The following KLHL36 variants were observed in gnomAD, a reference collection of about 807,000 sequenced individuals.
KLHL36 encodes the protein kelch-like protein 36.
Under a neutral mutation model 53.3 loss-of-function variants are expected in KLHL36, and 35 were observed. The ratio of observed to expected loss-of-function variants is 0.66; its 90% CI spans 0.50 to 0.87. The LOEUF (loss-of-function observed/expected upper bound fraction) is 0.87, where lower values mean the gene tolerates loss of function less well. Among genes scored for constraint, KLHL36 ranks in the 40% least tolerant of loss-of-function variants. The pLI is 0.00. For missense variants in KLHL36, 864 were observed against 897.6 expected, an observed-to-expected ratio of 0.96 and a Z score of 0.48; for synonymous variants, 472 against 398.9, an observed-to-expected ratio of 1.18 and a Z score of -2.18.
chr16:84,659,480 C>T (rs926881830), intron 3 of KLHL36: 8 of 381,732 alleles, frequency 2.1e-5, no homozygotes, highest in East Asian at 4.7e-5. Flanking sequence ...ACGCGGCTAA[C>T]GACATGACCA....
intron 4 of KLHL36, among the ~76,000 whole-genome samples, chr16:84,660,443 C>G (rs1907479303): frequency 6.6e-6 from 1 of 152,142 alleles, no homozygotes. Context: ...CTCAGTCTCC[C>G]CTGCGTTCCG....
rs888779364 is a variant in KLHL36 at position 84,664,575 on chromosome 16, T to G, written c.*2442T>G. On this transcript the variant is annotated 3_prime_UTR_variant, in exon 5 of 5. Coordinates refer to ENST00000564996, the MANE Select transcript of KLHL36 (RefSeq NM_024731.4). ...AAGGTGGTTTGTAATTGACATGGCT[T>G]TGACCCTAATATTACTAAGGTTGGG... The G allele has an allele frequency of 1.3e-5, 2 of 152,252 alleles. No homozygotes were observed. Among genetic ancestry groups the G allele is most frequent in the African/African-American group, 4.8e-5 (2 of 41,464 alleles). 9.4% of individuals were successfully genotyped at this position (152,252 alleles called of 1,614,324 possible).
chr16:84,663,500 G>A lies in KLHL36; in HGVS notation c.*1367G>A, dbSNP rs1168603654. The A allele has an allele frequency of 1.3e-5, 2 of 151,632 alleles. No individual in the cohort carries two copies. Among genetic ancestry groups the A allele is most frequent in the African/African-American group, 4.9e-5 (2 of 41,206 alleles). 9.4% of individuals were successfully genotyped at this position (151,632 alleles called of 1,614,324 possible). A position where few individuals can be genotyped will look rare whatever the true frequency, so the allele number is the denominator to read the frequency against. On this transcript the variant is annotated 3_prime_UTR_variant, in exon 5 of 5. Coordinates refer to ENST00000564996, the MANE Select transcript of KLHL36 (RefSeq NM_024731.4). ...TAGGAGTGTGATGGGTTTTAAGCATGAGCCAAGGAAGGCATGAATGAGCTG... is the reference window on the plus strand; with the variant it reads ...TAGGAGTGTGATGGGTTTTAAGCATAAGCCAAGGAAGGCATGAATGAGCTG...
chr16:84,662,355 A>C lies in KLHL36; in HGVS notation c.*222A>C. The stretch of plus-strand genomic sequence containing the variant: ...TAACCCTGGGCCCAGGCAGTGAGCA[A>C]CCCCTTGTATCTTCACAGGTCTTTG... On this transcript the variant is annotated 3_prime_UTR_variant, in exon 5 of 5. Coordinates refer to ENST00000564996, the MANE Select transcript of KLHL36 (RefSeq NM_024731.4). The C allele has an allele frequency of 2.1e-6, 1 of 478,838 alleles. No homozygotes were observed. Among genetic ancestry groups the C allele is most frequent in the Non-Finnish European group, 3.7e-6 (1 of 267,836 alleles). The allele number at this position is 478,838 out of a possible 1,614,324, so 29.7% of individuals were successfully genotyped here. A position where few individuals can be genotyped will look rare whatever the true frequency, so the allele number is the denominator to read the frequency against.
In KLHL36 at chr16:84,664,022, G is replaced by A. The variant is rs1199949205; in HGVS notation, c.*1889G>A. 1 of 152,186 alleles carries A rather than the reference G, an allele frequency of 6.6e-6. No homozygotes were observed. Among genetic ancestry groups the A allele is most frequent in the Non-Finnish European group, 1.5e-5 (1 of 68,040 alleles). 9.4% of individuals were successfully genotyped at this position (152,186 alleles called of 1,614,324 possible). The stretch of plus-strand genomic sequence containing the variant: ...ACCAAAAGGCTGGAAACTCTGCTTG[G>A]AGCTCTGCAGCATTCCGGTGTATGA... On this transcript the variant is annotated 3_prime_UTR_variant, in exon 5 of 5. Transcript: ENST00000564996.
rs1423789537 is a variant in KLHL36, at chr16:84,666,484, T to C, written c.*4351T>C. 1 of 152,212 alleles carries C rather than the reference T, an allele frequency of 6.6e-6. No individual in the cohort carries two copies. Among genetic ancestry groups the C allele is most frequent in the Non-Finnish European group, 1.5e-5 (1 of 68,060 alleles). 9.4% of individuals were successfully genotyped at this position (152,212 alleles called of 1,614,324 possible). On this transcript the variant is annotated 3_prime_UTR_variant, in exon 5 of 5. Coordinates refer to ENST00000564996, the MANE Select transcript of KLHL36 (RefSeq NM_024731.4). ...CCCCTGAGAGGGTCTGCGTTTCTTC[T>C]AGAGCTCCTACCTCAGTGGTGTGCA...
intron 1 of KLHL36, chr16:84,649,154 C>T (rs1906662258): frequency 6.6e-6 from 1 of 152,306 alleles, no homozygotes; most frequent in Admixed American, 6.5e-5. Flanking sequence ...AGACCTTTTC[C>T]AGTGACCTGG....
In KLHL36 at chr16:84,661,934, T is replaced by A; in HGVS notation, c.1652T>A (p.Leu551Gln). 1 of 1,602,048 alleles carries A rather than the reference T, an allele frequency of 6.2e-7. No homozygotes were observed. The highest frequency in any genetic ancestry group is 1.1e-5 in the South Asian group (1 of 89,728). The change falls in exon 5 of 5, where the codon CTG (leucine) becomes CAG (glutamine). Residue 551 changes from leucine (L) to glutamine (Q), a missense_variant. Coordinates refer to ENST00000564996, the MANE Select transcript of KLHL36 (RefSeq NM_024731.4). This position sits in a 1 kb window ranked among gnomAD's most constrained non-coding sequence, Gnocchi z 7.9. ...VAVWEGRIYI[L>Q]GGYSWENTAF... Reference sequence around the variant, plus strand: ...GTGTGGGAGGGCCGCATCTACATCCTGGGCGGCTACAGCTGGGAGAACACT... The same window carrying A: ...GTGTGGGAGGGCCGCATCTACATCCAGGGCGGCTACAGCTGGGAGAACACT...
rs1233282510 is a variant in KLHL36 at position 84,657,120 on chromosome 16, TA to T, written c.314del (p.Tyr105SerfsTer28). On this transcript the variant is annotated frameshift_variant, in exon 3 of 5. Transcript: ENST00000564996. LOFTEE classifies it high-confidence loss of function. ...IGLKAVVDFLYGGELVLDGGN... is the reference protein window; with the variant it reads ...IGLKAVVDFLXGGELVLDGGN... ...GCTCAAGGCCGTGGTGGACTTCCTG[TA>T]CGGCGGGGAGCTGGTGCTGGATGGC... is the stretch of plus-strand genomic sequence containing the variant. The T allele has an allele frequency of 6.2e-7, 1 of 1,614,072 alleles. No homozygotes were observed. Among genetic ancestry groups the T allele is most frequent in the Non-Finnish European group, 8.5e-7 (1 of 1,180,036 alleles).
chr16:84,664,017 G>A lies in KLHL36; in HGVS notation c.*1884G>A, dbSNP rs976367061. On this transcript the variant is annotated 3_prime_UTR_variant, in exon 5 of 5. Transcript: ENST00000564996. The stretch of plus-strand genomic sequence containing the variant: ...AACAGACCAAAAGGCTGGAAACTCT[G>A]CTTGGAGCTCTGCAGCATTCCGGTG... 1 of 152,218 alleles carries A rather than the reference G, an allele frequency of 6.6e-6. No individual in the cohort carries two copies. The highest frequency in any genetic ancestry group is 1.5e-5 in the Non-Finnish European group (1 of 68,046). The allele number at this position is 152,218 out of a possible 1,614,324, so 9.4% of individuals were successfully genotyped here.
chr16:84,651,101 G>A (rs185208107), intron 2 of KLHL36, among the ~76,000 whole-genome samples, 171 bp downstream of exon 2: 26 of 152,250 alleles, frequency 1.7e-4, no homozygotes, highest in African/African-American at 6.0e-4. Context: ...CATAAAATCA[G>A]ACAGTGGGAA....
intron 2 of KLHL36, among the ~76,000 whole-genome samples, chr16:84,651,294 G>C (rs1416458398): frequency 6.6e-6 from 1 of 152,150 alleles, no homozygotes; most frequent in Non-Finnish European, 1.5e-5. Flanking sequence ...GGTCCATTGA[G>C]AACCCAGCCT....
chr16:84,649,436 C>CT (rs2150715632), intron 1 of KLHL36: 1 of 152,470 alleles, frequency 6.6e-6, no homozygotes, highest in South Asian at 2.1e-4. Flanking sequence ...TGACCTTGGG[C>CT]AACCCCCCCT....
chr16:84,667,069 A>AG lies in KLHL36; in HGVS notation c.*4936_*4937insG. ...CGAGTAAGACTGTCTCAAAAAAAAA[A>AG]AAAAAAAAGAAAAGAAATTGTCCTT... On this transcript the variant is annotated 3_prime_UTR_variant, in exon 5 of 5. Transcript: ENST00000564996. 1 of 146,214 alleles carries AG rather than the reference A, an allele frequency of 6.8e-6. No homozygotes were observed. Among genetic ancestry groups the AG allele is most frequent in the East Asian group, 2.0e-4 (1 of 5,042 alleles). The allele number at this position is 146,214 out of a possible 1,614,324, so 9.1% of individuals were successfully genotyped here.
intron 2 of KLHL36, 22 bp from the exon 3 acceptor site, chr16:84,656,849 C>G: frequency 6.3e-7 from 1 of 1,579,580 alleles, no homozygotes. Context: ...TGCGCCGTTT[C>G]TAATGTGTCT....
intron 2 of KLHL36, among the ~76,000 whole-genome samples, chr16:84,655,348 G>C (rs1358484635): frequency 6.6e-6 from 1 of 152,188 alleles, no homozygotes; most frequent in East Asian, 1.9e-4. Flanking sequence ...CACTGCTGTA[G>C]GACACATGTT....
intron 2 of KLHL36, among the ~76,000 whole-genome samples, chr16:84,655,325 A>G (rs1597216650): frequency 6.6e-6 from 1 of 152,354 alleles, no homozygotes; most frequent in Middle Eastern, 3.4e-3. Flanking sequence ...AAAGGGAAGA[A>G]AAAAATAAAA....
chr16:84,656,230 G>C (rs1907190633), intron 2 of KLHL36, among the ~76,000 whole-genome samples: 1 of 150,272 alleles, frequency 6.7e-6, no homozygotes, highest in African/African-American at 2.5e-5. Context: ...GGTTTTTTTG[G>C]TTTGTTTTTT....
At chr16:84,649,280 A>T (rs1340143871) in intron 1 of KLHL36, 1 of 152,362 alleles carries the variant, frequency 6.6e-6, no homozygotes, top group African/African-American at 2.4e-5. Context: ...CACTTGCAGG[A>T]GACAGCAGGG....
Sources: gnomAD v4.1 joint callset for allele counts (sites outside exome capture counted in the v4.1 genomes callset) on GRCh38, gnomAD v4.1.1 for gene constraint, Gnocchi (gnomAD v3.1) non-coding constraint, MANE v1.5 for transcripts, NCBI Gene and HGNC (gene_info 2026-07-23, HGNC 2026-07-21) for gene names.